Variants in UBE2H observed in about 807,000 individuals in gnomAD.
UBE2H encodes the protein ubiquitin conjugating enzyme E2 H, also known as ubiquitin-conjugating enzyme E2 H.
In UBE2H, 3 loss-of-function variants were observed where a neutral mutation model predicts 29.0. The observed-to-expected ratio is 0.10, with a 90% CI of 0.05 to 0.27. The LOEUF is 0.27. Among genes scored for constraint, UBE2H ranks in the 10% least tolerant of loss-of-function variants. The probability of loss-of-function intolerance (pLI) is 1.00; values close to 1 mark genes in which losing one functional copy is unlikely to be tolerated. For missense variants in UBE2H, 68 were observed against 228.2 expected (o/e 0.30, Z 4.52); for synonymous variants, 69 against 82.9 (o/e 0.83, Z 0.91).
Position 129,832,656 on chromosome 7 carries a change from A to T in UBE2H, c.*2281T>A, listed in dbSNP as rs1022645190. 9 of 152,296 alleles carry T rather than the reference A, an allele frequency of 5.9e-5. No individual in the cohort carries two copies. Among genetic ancestry groups the T allele is most frequent in the Admixed American group, 2.6e-4 (4 of 15,296 alleles). 9.4% of individuals were successfully genotyped at this position (152,296 alleles called of 1,614,324 possible). A position where few individuals can be genotyped will look rare whatever the true frequency, so the allele number is the denominator to read the frequency against. On this transcript the variant is annotated 3_prime_UTR_variant, in exon 7 of 7. Transcript: ENST00000355621. ...TCATTAGAGAGATGTGGGATTAGGT[A>T]AGGGGCAGAGTCATGGCACTGCTCA...
At chr7:129,916,720 G>A (rs930566427) in intron 1 of UBE2H, among the ~76,000 whole-genome samples, 2 of 152,084 alleles carry the variant, frequency 1.3e-5, no homozygotes, top group African/African-American at 2.4e-5. Context: ...GCATGTACAC[G>A]GCTAATGGCC....
chr7:129,947,758 T>C (rs1339524711), intron 1 of UBE2H, among the ~76,000 whole-genome samples: 2 of 152,156 alleles, frequency 1.3e-5, no homozygotes, highest in African/African-American at 2.4e-5. Context: ...AAAAAAGTTT[T>C]AACTAATTGC....
chr7:129,928,668 GA>G (rs1417464428), intron 1 of UBE2H, among the ~76,000 whole-genome samples: 1 of 152,184 alleles, frequency 6.6e-6, no homozygotes. Flanking sequence ...GTGGATTTTG[GA>G]TGTTCCCAAC....
chr7:129,864,703 C>G (rs139949037), intron 3 of UBE2H, among the ~76,000 whole-genome samples: 22 of 151,968 alleles, frequency 1.4e-4, no homozygotes, highest in South Asian at 6.2e-4. Flanking sequence ...AGGTGCCCAC[C>G]ACCACACCCA....
intron 1 of UBE2H, among the ~76,000 whole-genome samples, chr7:129,934,718 T>C (rs917791133): frequency 1.1e-4 from 15 of 135,260 alleles, no homozygotes; most frequent in African/African-American, 3.1e-4. Context: ...TTTAAAGGAG[T>C]AATTTCAACT....
At chr7:129,841,566 C>A (rs1451380738) in intron 5 of UBE2H, among the ~76,000 whole-genome samples, 1 of 152,180 alleles carries the variant, frequency 6.6e-6, no homozygotes, top group Non-Finnish European at 1.5e-5. Context: ...AATAACCACA[C>A]ATGGCTAGTA....
chr7:129,938,629 C>G (rs1219625003), intron 1 of UBE2H, among the ~76,000 whole-genome samples: 1 of 149,920 alleles, frequency 6.7e-6, no homozygotes, highest in Non-Finnish European at 1.5e-5. Context: ...TTGTTTGAAC[C>G]CGGGAGGCGG....
intron 4 of UBE2H, 52 bp downstream of exon 4, chr7:129,858,850 T>TA: frequency 6.5e-7 from 1 of 1,529,702 alleles, no homozygotes; most frequent in Non-Finnish European, 9.0e-7. Context: ...AGAGAAACAC[T>TA]AATCATGAGC....
At chr7:129,874,293 AT>A (rs71527931) in intron 3 of UBE2H, among the ~76,000 whole-genome samples, 6 of 149,778 alleles carry the variant, frequency 4.0e-5, no homozygotes, top group African/African-American at 1.2e-4. Context: ...CCTGAATTTA[AT>A]TTTTTTTATA....
chr7:129,939,958 CA>C (rs368470268), intron 1 of UBE2H, among the ~76,000 whole-genome samples: 9,519 of 134,242 alleles, frequency 0.071, 358 homozygotes, highest in Middle Eastern at 0.11. Context: ...GACTCCATCT[CA>C]AAAAAAAAAA....
At chr7:129,871,466 G>C (rs988111642) in intron 3 of UBE2H, among the ~76,000 whole-genome samples, 1 of 152,200 alleles carries the variant, frequency 6.6e-6, no homozygotes, top group African/African-American at 2.4e-5. Flanking sequence ...TGTAATCCCA[G>C]CACTTTGGGA....
chr7:129,900,752 T>C (rs1347495672), intron 1 of UBE2H, among the ~76,000 whole-genome samples: 4 of 74,650 alleles, frequency 5.4e-5, no homozygotes, highest in African/African-American at 9.2e-5. Context: ...TTCTTTTTCC[T>C]TTTTTTTTTT....
chr7:129,880,779 G>A, intron 2 of UBE2H, 116 bp downstream of exon 2: 1 of 788,000 alleles, frequency 1.3e-6, no homozygotes, highest in Non-Finnish European at 2.0e-6. Context: ...TGGTTCTGCA[G>A]TCCAACTAAA....
chr7:129,885,429 T>C (rs967297893), intron 1 of UBE2H, among the ~76,000 whole-genome samples: 12 of 152,224 alleles, frequency 7.9e-5, no homozygotes, highest in African/African-American at 2.9e-4. Flanking sequence ...TTGTGGATGT[T>C]GCTTCTGGGA....
At chr7:129,864,581 TCTCA>T (rs1805864670) in intron 3 of UBE2H, among the ~76,000 whole-genome samples, 1 of 111,914 alleles carries the variant, frequency 8.9e-6, no homozygotes, top group Non-Finnish European at 1.7e-5. Context: ...TGAGACAGAA[TCTCA>T]CTCTATCACT....
intron 3 of UBE2H, among the ~76,000 whole-genome samples, chr7:129,869,653 G>C (rs1805988280): frequency 6.6e-6 from 1 of 152,144 alleles, no homozygotes; most frequent in South Asian, 2.1e-4. Context: ...GAGGGTACCA[G>C]TAGGTAGGCA....
At chr7:129,845,266 T>C (rs1011139358) in intron 5 of UBE2H, among the ~76,000 whole-genome samples, 28 of 152,326 alleles carry the variant, frequency 1.8e-4, no homozygotes, top group African/African-American at 6.7e-4. Context: ...AGGTTGCAGC[T>C]TCATACCTAC....
At chr7:129,947,153 G>C (rs1288035677) in intron 1 of UBE2H, among the ~76,000 whole-genome samples, 1 of 152,180 alleles carries the variant, frequency 6.6e-6, no homozygotes, top group Non-Finnish European at 1.5e-5. Flanking sequence ...TTTTAGGCTT[G>C]CGTGTAATTT....
intron 3 of UBE2H, among the ~76,000 whole-genome samples, chr7:129,876,194 T>G (rs1455987991): frequency 6.6e-6 from 1 of 152,182 alleles, no homozygotes; most frequent in East Asian, 1.9e-4. Flanking sequence ...ACTGGTCATA[T>G]CAAACATGCA....
Sources: gnomAD v4.1 joint callset for allele counts (sites outside exome capture counted in the v4.1 genomes callset) on GRCh38, gnomAD v4.1.1 for gene constraint, MANE v1.5 for transcripts, NCBI Gene and HGNC (gene_info 2026-07-23, HGNC 2026-07-21) for gene names.